The following SIPA1L2 variants were observed in gnomAD, a reference collection of about 807,000 sequenced individuals.
The protein encoded by SIPA1L2 is signal-induced proliferation-associated 1-like protein 2.
SIPA1L2 carries 56 observed loss-of-function variants against 163.9 expected under a neutral mutation model. The observed-to-expected ratio is 0.34, with a 90% CI of 0.28 to 0.43. The LOEUF is 0.43. Among genes scored for constraint, SIPA1L2 ranks in the 20% least tolerant of loss-of-function variants. SIPA1L2 has a pLI of 1.00. For missense variants in SIPA1L2, 1,974 were observed against 2,193.5 expected, an observed-to-expected ratio of 0.90 and a Z score of 2.00; for synonymous variants, 877 against 865.7, an observed-to-expected ratio of 1.01 and a Z score of -0.23.
At chr1:232,607,024 T>A (rs1661958961) in intron 1 of SIPA1L2, among the ~76,000 whole-genome samples, 1 of 152,062 alleles carries the variant, frequency 6.6e-6, no homozygotes, top group Non-Finnish European at 1.5e-5. Context: ...CCAAACTATA[T>A]TGAATCAGGA....
chr1:232,448,458 T>C (rs1663345240), intron 10 of SIPA1L2, among the ~76,000 whole-genome samples: 1 of 152,166 alleles, frequency 6.6e-6, no homozygotes, highest in South Asian at 2.1e-4. Context: ...AAAGCAGAAC[T>C]CCACTGTCAG....
In SIPA1L2 at chr1:232,439,409, A is replaced by C. The variant is rs1662757593; in HGVS notation, c.3730T>G (p.Ser1244Ala). ...AATTCGGGGTCCATCAGGTCGCCAG[A>C]CCCAAAGTGCTTGTCGTCACTGTTG... ...SSNSDDKHFG[S>A]GDLMDPELLG... The change falls in exon 15 of 23, where the codon TCT (serine) becomes GCT (alanine). Residue 1244 changes from serine (S) to alanine (A), a missense_variant. By Grantham distance (99) the Ser-to-Ala change is moderately conservative. Around this residue, in one of 3 missense-constraint regions of SIPA1L2, gnomAD observed 1,079 missense variants for 1,150.7 expected, o/e 0.94. Transcript: ENST00000674635. The C allele has an allele frequency of 6.2e-7, 1 of 1,614,068 alleles. No homozygotes were observed. Among genetic ancestry groups the C allele is most frequent in the African/African-American group, 1.3e-5 (1 of 74,918 alleles).
intron 2 of SIPA1L2, among the ~76,000 whole-genome samples, chr1:232,563,616 G>A (rs1409636562): frequency 6.6e-6 from 1 of 152,182 alleles, no homozygotes; most frequent in Non-Finnish European, 1.5e-5. Context: ...ATTACCTGGG[G>A]AAGTTTAGGA....
At chr1:232,604,081 A>C (rs1395907451) in intron 1 of SIPA1L2, among the ~76,000 whole-genome samples, 3 of 152,090 alleles carry the variant, frequency 2.0e-5, no homozygotes, top group Non-Finnish European at 4.4e-5. Context: ...ATCAAGCAGA[A>C]GGATACAACG....
At chr1:232,627,265 T>C (rs1031906594) in intron 1 of SIPA1L2, among the ~76,000 whole-genome samples, 1 of 152,244 alleles carries the variant, frequency 6.6e-6, no homozygotes, top group Non-Finnish European at 1.5e-5. Context: ...CATAGTTCTT[T>C]GCAAAGTATG....
At chr1:232,558,906 TCATGGAAA>T (rs1005714696) in intron 2 of SIPA1L2, among the ~76,000 whole-genome samples, 4 of 152,202 alleles carry the variant, frequency 2.6e-5, no homozygotes, top group Non-Finnish European at 5.9e-5. Flanking sequence ...GGTAGAAGTG[TCATGGAAA>T]CAGTTTGGTT....
intron 1 of SIPA1L2, among the ~76,000 whole-genome samples, chr1:232,615,971 C>A (rs1662479215): frequency 6.6e-6 from 1 of 152,168 alleles, no homozygotes; most frequent in South Asian, 2.1e-4. Flanking sequence ...ATACGATAGG[C>A]AGCTTTTCTC....
intron 5 of SIPA1L2, among the ~76,000 whole-genome samples, chr1:232,488,830 A>G (rs909026015): frequency 4.6e-5 from 7 of 152,222 alleles, no homozygotes; most frequent in Admixed American, 4.6e-4. Flanking sequence ...TTCAGAAGAC[A>G]ATAGGGGGCC....
chr1:232,535,909 A>G (rs16857591), intron 2 of SIPA1L2, among the ~76,000 whole-genome samples: 6,716 of 152,288 alleles, frequency 0.044, 512 homozygotes, highest in African/African-American at 0.15. Flanking sequence ...AAGAGATTTA[A>G]TGTTCCATCA....
intron 18 of SIPA1L2, among the ~76,000 whole-genome samples, chr1:232,419,875 C>G (rs953846214): frequency 2.0e-5 from 3 of 152,178 alleles, no homozygotes; most frequent in Admixed American, 1.3e-4. Context: ...TGATGTTTAC[C>G]GAGCATCTTC....
intron 5 of SIPA1L2, among the ~76,000 whole-genome samples, 166 bp from the exon 6 acceptor site, chr1:232,484,132 T>C (rs1241551584): frequency 6.6e-6 from 1 of 152,194 alleles, no homozygotes; most frequent in Non-Finnish European, 1.5e-5. Context: ...TGAAAGATGC[T>C]ACAAATAATA....
intron 18 of SIPA1L2, among the ~76,000 whole-genome samples, chr1:232,416,119 C>G (rs1279301157): frequency 6.7e-6 from 1 of 150,166 alleles, no homozygotes; most frequent in Non-Finnish European, 1.5e-5. Context: ...AGTCAGAACA[C>G]GGGCACCACT....
chr1:232,525,147 T>C (rs960501083), intron 2 of SIPA1L2, among the ~76,000 whole-genome samples: 1 of 150,954 alleles, frequency 6.6e-6, no homozygotes, highest in African/African-American at 2.5e-5. Context: ...GTTGATTAAT[T>C]TAACGTTTTT....
chr1:232,447,462 C>T (rs1363622112), intron 10 of SIPA1L2, among the ~76,000 whole-genome samples: 1 of 152,214 alleles, frequency 6.6e-6, no homozygotes, highest in Non-Finnish European at 1.5e-5. Context: ...CTGTGCTGCA[C>T]AGTGCAAAGG....
chr1:232,455,120 A>G (rs2275302), intron 10 of SIPA1L2, among the ~76,000 whole-genome samples: 45,453 of 152,074 alleles, frequency 0.3, 7,408 homozygotes, highest in East Asian at 0.57. Context: ...TGAATGTTAT[A>G]TTGGAGAAAC....
chr1:232,570,756 T>C (rs929137907), intron 2 of SIPA1L2, among the ~76,000 whole-genome samples: 1 of 151,944 alleles, frequency 6.6e-6, no homozygotes, highest in Non-Finnish European at 1.5e-5. Context: ...AAATAAAACT[T>C]AATTTTAAAA....
Position 232,439,347 on chromosome 1 carries a change from G to A in SIPA1L2, c.3792C>T (p.Asp1264=), listed in dbSNP as rs1255197258. The A allele has an allele frequency of 6.2e-7, 1 of 1,614,210 alleles. No individual in the cohort carries two copies. Among genetic ancestry groups the A allele is most frequent in the Admixed American group, 1.7e-5 (1 of 60,028 alleles). Residue 1264 remains aspartate, a synonymous_variant, in exon 15 of 23, where the codon GAC becomes GAT. Coordinates refer to ENST00000674635, the MANE Select transcript of SIPA1L2 (RefSeq NM_020808.5). ...TGCAGGGGGCCGTGTCGATGCCACT[G>A]TCGGTGGAGGCCCCTTTGATGTAGG... ...GLTYIKGAST[D]SGIDTAPCMP... is the part of the protein sequence containing the mutation.
chr1:232,478,967 G>A (rs575598060), intron 7 of SIPA1L2, among the ~76,000 whole-genome samples: 1 of 152,256 alleles, frequency 6.6e-6, no homozygotes, highest in South Asian at 2.1e-4. Context: ...GCTCACAGTA[G>A]ACAAAGCATT....
chr1:232,450,849 C>G (rs1663533414), intron 10 of SIPA1L2, among the ~76,000 whole-genome samples: 1 of 152,104 alleles, frequency 6.6e-6, no homozygotes, highest in Non-Finnish European at 1.5e-5. Context: ...ATAATCATGA[C>G]TCATATTTTG....
Sources: allele counts gnomAD v4.1 joint callset (sites outside exome capture counted in the v4.1 genomes callset), GRCh38; gene constraint gnomAD v4.1.1; regional missense constraint gnomAD v4.1.1; transcripts MANE v1.5; gene names NCBI Gene and HGNC (gene_info 2026-07-23, HGNC 2026-07-21).